The following RELN variants were observed in gnomAD, a reference collection of about 807,000 sequenced individuals.
RELN encodes reelin.
Under a neutral mutation model 427.6 loss-of-function variants are expected in RELN, and 108 were observed. The ratio of observed to expected loss-of-function variants is 0.25; its 90% CI spans 0.22 to 0.30. RELN has a LOEUF of 0.30. Ranked by LOEUF, RELN falls within the 10% of genes least tolerant of loss-of-function variation. The pLI, the probability that RELN is intolerant of heterozygous loss-of-function variation, is 1.00. For missense variants in RELN, 3,715 were observed against 4,302.8 expected (o/e 0.86, Z 3.82); for synonymous variants, 1,524 against 1,513.4 (o/e 1.01, Z -0.16).
chr7:103,987,122 G>A (rs991464768), intron 1 of RELN, among the ~76,000 whole-genome samples: 2 of 147,342 alleles, frequency 1.4e-5, no homozygotes, highest in Non-Finnish European at 3.0e-5. Flanking sequence ...GCTACAGCTA[G>A]TTCCAAAATC....
At chr7:103,900,184 CT>C (rs1433848422) in intron 2 of RELN, among the ~76,000 whole-genome samples, 1 of 152,124 alleles carries the variant, frequency 6.6e-6, no homozygotes, top group Non-Finnish European at 1.5e-5. Flanking sequence ...CATGAGTGAA[CT>C]CCCATTCACA....
chr7:103,762,287 G>T (rs1318420408), intron 4 of RELN, among the ~76,000 whole-genome samples: 1 of 152,146 alleles, frequency 6.6e-6, no homozygotes, highest in African/African-American at 2.4e-5. Context: ...GAACGACCCT[G>T]CCAGCCCTAG....
At position 103,596,612 on chromosome 7, in the gene RELN, T is replaced by A; in HGVS notation, c.3383A>T (p.Asp1128Val). The A allele has an allele frequency of 6.2e-7, 1 of 1,614,024 alleles. No individual in the cohort carries two copies. ...VSWDLDTSWV[D>V]FVQFYIQIGG... The stretch of plus-strand genomic sequence containing the variant: ...TATCTGGATGTAGAACTGGACAAAG[T>A]CCACCCAAGAAGTATCCAGGTCCCA... Residue 1128 changes from aspartate to valine, a missense_variant, in exon 25 of 65, where the codon GAC becomes GTC. By Grantham distance (152) the Asp-to-Val change is radical. This residue lies in a region of RELN where 2,208 missense variants were observed against 2,361.7 expected (regional missense o/e 0.93). Transcript: ENST00000428762.
chr7:103,536,878 G>A (rs2535761), intron 45 of RELN, among the ~76,000 whole-genome samples: 2,794 of 152,254 alleles, frequency 0.018, 83 homozygotes, highest in African/African-American at 0.063. Flanking sequence ...AGCCTGGCAC[G>A]TGCTGGATGC....
intron 33 of RELN, 92 bp downstream of exon 33, chr7:103,566,132 G>T: frequency 8.8e-7 from 1 of 1,131,992 alleles, no homozygotes; most frequent in Non-Finnish European, 1.3e-6. Context: ...TTAGGCACAC[G>T]GTTTTGCATT....
Position 103,593,790 on chromosome 7 carries a change from G to A in RELN, c.3804C>T (p.Thr1268=), listed in dbSNP as rs373549838. The change falls in exon 27 of 65, where the codon ACC becomes ACT. Residue 1268 remains threonine, a synonymous_variant. Coordinates refer to ENST00000428762, the MANE Select transcript of RELN (RefSeq NM_005045.4). The part of the protein sequence containing the change: ...LANEGMVKNE[T]FCAATPSAMI... ...TTGCTGATGGTGTGGCAGCACAGAA[G>A]GTTTCATTTTTAACCATTCCTTCAT... 157 of 1,613,522 alleles carry A rather than the reference G, an allele frequency of 9.7e-5. No individual in the cohort carries two copies. The highest frequency in any genetic ancestry group is 1.3e-4 in the Non-Finnish European group (150 of 1,179,648).
At chr7:103,670,988 A>C (rs946257940) in intron 11 of RELN, among the ~76,000 whole-genome samples, 3 of 152,098 alleles carry the variant, frequency 2.0e-5, no homozygotes, top group African/African-American at 7.2e-5. Flanking sequence ...GACCAAATTC[A>C]TAAGGTTTTT....
intron 3 of RELN, among the ~76,000 whole-genome samples, chr7:103,805,836 C>T (rs1027618088): frequency 3.3e-5 from 5 of 152,150 alleles, no homozygotes; most frequent in African/African-American, 9.7e-5. Context: ...TGCTGAATAA[C>T]AAGGAGGGGC....
rs764872783 is a variant in RELN, at chr7:103,489,916, G to C, written c.9606-17C>G. On this transcript the variant is annotated splice_polypyrimidine_tract_variant and intron_variant, in intron 59 of 64. Coordinates refer to ENST00000428762, the MANE Select transcript of RELN (RefSeq NM_005045.4). ...TGTGTTGCACTGAAAGAACCACAGA[G>C]AGCAGAAGGGATTCAGTAGGTTGTT... 3.7e-6 allele frequency: 6 copies of C among 1,613,906 alleles called. No homozygotes were observed. Among genetic ancestry groups the C allele is most frequent in the Non-Finnish European group, 5.1e-6 (6 of 1,179,978 alleles).
At chr7:103,487,481 A>C (rs1828485078) in intron 60 of RELN, among the ~76,000 whole-genome samples, 1 of 151,264 alleles carries the variant, frequency 6.6e-6, no homozygotes, top group Admixed American at 6.6e-5. Context: ...AAGGCAAAAT[A>C]CTAAGTAGAT....
At chr7:103,826,915 A>C (rs1421058091) in intron 3 of RELN, among the ~76,000 whole-genome samples, 2 of 152,012 alleles carry the variant, frequency 1.3e-5, no homozygotes, top group Non-Finnish European at 2.9e-5. Context: ...TACCAAGTTC[A>C]GTCCATTTAC....
intron 1 of RELN, among the ~76,000 whole-genome samples, chr7:103,967,671 T>A (rs1429901338): frequency 6.6e-6 from 1 of 152,186 alleles, no homozygotes; most frequent in Non-Finnish European, 1.5e-5. Flanking sequence ...ATCAGCCCTC[T>A]CCCCTGCCAT....
chr7:103,867,117 G>A (rs1794218801), intron 2 of RELN, among the ~76,000 whole-genome samples: 1 of 152,040 alleles, frequency 6.6e-6, no homozygotes, highest in African/African-American at 2.4e-5. Flanking sequence ...TGTTACATGA[G>A]TTCTGCAACA....
intron 20 of RELN, among the ~76,000 whole-genome samples, chr7:103,619,580 T>C: frequency 6.6e-6 from 1 of 152,226 alleles, no homozygotes; most frequent in Non-Finnish European, 1.5e-5. Context: ...TTCTGTCAAG[T>C]TTATGTTAAT....
intron 1 of RELN, among the ~76,000 whole-genome samples, chr7:103,925,876 G>C (rs988568231): frequency 6.6e-6 from 1 of 152,038 alleles, no homozygotes; most frequent in African/African-American, 2.4e-5. Flanking sequence ...CGGATGCCTA[G>C]AGAACAAATA....
intron 3 of RELN, among the ~76,000 whole-genome samples, chr7:103,810,814 C>T (rs1466276322): frequency 6.6e-6 from 1 of 152,162 alleles, no homozygotes; most frequent in Admixed American, 6.5e-5. Context: ...CTTTCTCTCC[C>T]TTTTTAAAGA....
Position 103,594,583 on chromosome 7 carries a change from A to G in RELN, c.3540-91T>C, listed in dbSNP as rs1004439274. 88 of 1,380,978 alleles carry G rather than the reference A, an allele frequency of 6.4e-5. No individual in the cohort carries two copies. The African/African-American group carries it at 1.2e-3, about 18-fold the overall frequency. The allele number at this position is 1,380,978 out of a possible 1,614,324, so 85.5% of individuals were successfully genotyped here. On this transcript the variant is annotated intron_variant, in intron 25 of 64. Coordinates refer to ENST00000428762, the MANE Select transcript of RELN (RefSeq NM_005045.4). Reference sequence around the variant, plus strand: ...AAAACAACAAGGGTAACAACAAGAGAAAAGTTTTGTTTGGTTTGATCTCAA... The same window carrying G: ...AAAACAACAAGGGTAACAACAAGAGGAAAGTTTTGTTTGGTTTGATCTCAA...
At chr7:103,491,838 TCTCTCTCTCTCTCTCTCTCACACACA>T (rs1224175110) in intron 58 of RELN, 89 bp downstream of exon 58, 3 of 603,556 alleles carry the variant, frequency 5.0e-6, no homozygotes, top group African/African-American at 5.2e-5. Flanking sequence ...TCTCTCTCTC[TCTCTCTCTCTCTCTCTCTCACACACA>T]CACACACACA....
chr7:103,514,185 C>G (rs1829500064), intron 50 of RELN, among the ~76,000 whole-genome samples: 1 of 152,142 alleles, frequency 6.6e-6, no homozygotes, highest in African/African-American at 2.4e-5. Flanking sequence ...TCAATCTTTA[C>G]TATTTAGATA....
Sources: allele counts gnomAD v4.1 joint callset (sites outside exome capture counted in the v4.1 genomes callset), GRCh38; gene constraint gnomAD v4.1.1; regional missense constraint gnomAD v4.1.1; transcripts MANE v1.5; gene names NCBI Gene and HGNC (gene_info 2026-07-23, HGNC 2026-07-21).